Variants in NLRP1 observed in about 807,000 individuals in gnomAD.
The protein encoded by NLRP1 is NLR family pyrin domain containing 1.
In NLRP1, 94 loss-of-function variants were observed where a neutral mutation model predicts 136.7. The observed-to-expected ratio is 0.69, with a 90% CI of 0.58 to 0.82. NLRP1 has a LOEUF of 0.82. Ranked by LOEUF, NLRP1 falls within the 40% of genes least tolerant of loss-of-function variation. The pLI is 0.00. For missense variants in NLRP1, 1,575 were observed against 1,802.7 expected (o/e 0.87, Z 2.29); for synonymous variants, 690 against 725.1 (o/e 0.95, Z 0.78).
At chr17:5,542,855 A>C (rs1597433906) in intron 5 of NLRP1, among the ~76,000 whole-genome samples, 1 of 145,708 alleles carries the variant, frequency 6.9e-6, no homozygotes, top group East Asian at 2.0e-4. Context: ...TGTGAGATGG[A>C]GTCTCGCTCT....
chr17:5,581,901 T>C lies in NLRP1; in HGVS notation c.610A>G (p.Thr204Ala). 6.2e-7 allele frequency: 1 copy of C among 1,613,356 alleles called. No individual in the cohort carries two copies. Among genetic ancestry groups the C allele is most frequent in the Non-Finnish European group, 8.5e-7 (1 of 1,179,946 alleles). ...GACGTTTCATCCAGAGGCCATTGGG[T>C]CCCAGGAGCCTCCTGCTCTCTGGGT... ...LAPREQEAPG[T>A]QWPLDETSGI... Residue 204 changes from threonine (T) to alanine (A), a missense_variant, in exon 3 of 17, where the codon ACC becomes GCC. By Grantham distance (58) the Thr-to-Ala change is moderately conservative (BLOSUM62 0). Transcript: ENST00000572272.
At chr17:5,535,857 C>T (rs545675611) in intron 8 of NLRP1, among the ~76,000 whole-genome samples, 217 of 152,306 alleles carry the variant, frequency 1.4e-3, no homozygotes, top group African/African-American at 4.9e-3. Flanking sequence ...GCAGATTCCT[C>T]GGGGAAGGGA....
intron 5 of NLRP1, among the ~76,000 whole-genome samples, chr17:5,545,163 C>T (rs1033176793): frequency 6.6e-6 from 1 of 152,128 alleles, no homozygotes; most frequent in Admixed American, 6.5e-5. Flanking sequence ...CACATCCTGG[C>T]AAGGTGTGGT....
chr17:5,562,546 G>A (rs1914877549), intron 3 of NLRP1, among the ~76,000 whole-genome samples: 1 of 152,160 alleles, frequency 6.6e-6, no homozygotes, highest in Admixed American at 6.5e-5. Context: ...AAGTGAGAAG[G>A]TCACCCCCCT....
At chr17:5,505,124 C>T (rs771519981) in intron 15 of NLRP1, 1 of 152,242 alleles carries the variant, frequency 6.6e-6, no homozygotes, top group Non-Finnish European at 1.5e-5. Context: ...CCCCTTTCCA[C>T]AGGTCCTCTA....
chr17:5,550,079 G>A (rs1913146026), intron 5 of NLRP1, among the ~76,000 whole-genome samples: 1 of 151,866 alleles, frequency 6.6e-6, no homozygotes, highest in Admixed American at 6.6e-5. Flanking sequence ...CTTTTTATAT[G>A]TTGCCAGTAT....
intron 3 of NLRP1, among the ~76,000 whole-genome samples, chr17:5,573,587 T>C (rs1262344349): frequency 1.3e-5 from 2 of 152,170 alleles, no homozygotes; most frequent in Admixed American, 1.3e-4. Context: ...GACTGACACC[T>C]CACACAGCCG....
chr17:5,544,688 C>T (rs36012620), intron 5 of NLRP1, among the ~76,000 whole-genome samples: 3,383 of 152,294 alleles, frequency 0.022, 60 homozygotes, highest in Middle Eastern at 0.051. Flanking sequence ...AGCTCTGTAT[C>T]GTAGTACCTT....
intron 15 of NLRP1, among the ~76,000 whole-genome samples, chr17:5,506,373 A>G (rs1012367540): frequency 6.6e-6 from 1 of 152,052 alleles, no homozygotes; most frequent in Non-Finnish European, 1.5e-5. Flanking sequence ...GCTGACCCAC[A>G]CTAAATGGTT....
At position 5,560,808 on chromosome 17, in the gene NLRP1, C is replaced by T. The variant is rs144954554; in HGVS notation, c.653-765G>A. ...TCTTGTTGATGAGTCCAAGAAATCA[C>T]CTCCCCAGTAAGCCACCTGCAACCA... is the stretch of plus-strand genomic sequence containing the variant. On this transcript the variant is annotated intron_variant, in intron 3 of 16. Transcript: ENST00000572272. Among the ~76,000 whole-genome samples, 337 of 152,330 alleles carry T rather than the reference C, an allele frequency of 2.2e-3. 1 individual carries two copies. The highest frequency in any genetic ancestry group is 7.9e-3 in the African/African-American group (329 of 41,582).
chr17:5,528,445 T>C (rs896627263), intron 12 of NLRP1, among the ~76,000 whole-genome samples: 1 of 152,172 alleles, frequency 6.6e-6, no homozygotes, highest in Non-Finnish European at 1.5e-5. Context: ...GGAATGCCCA[T>C]ATGACCCTGA....
At chr17:5,553,334 C>A (rs1208765100) in intron 5 of NLRP1, 52 bp downstream of exon 5, 1 of 1,518,398 alleles carries the variant, frequency 6.6e-7, no homozygotes, top group African/African-American at 1.4e-5. Flanking sequence ...CAGCTTCTGC[C>A]TTGGATCTCT....
In NLRP1 at chr17:5,533,902, C is replaced by T. The variant is rs1284466715; in HGVS notation, c.3047G>A (p.Gly1016Glu). ...GCCTTGCCCCTTCAAACTACCTGAT[C>T]CGAGTCTCTGCCGCTTGAGTGAGGA... ...STSSLKRQRL[G>E]SERAASHVAQ... The change falls in exon 9 of 17, where the codon GGA becomes GAA. Residue 1016 changes from glycine (G) to glutamate (E), a missense_variant. Gly to Glu is a moderately conservative substitution (Grantham distance 98, BLOSUM62 -2). Coordinates refer to ENST00000572272, the MANE Select transcript of NLRP1 (RefSeq NM_033004.4). 2 of 1,608,370 alleles carry T rather than the reference C, an allele frequency of 1.2e-6. No homozygotes were observed. Among genetic ancestry groups the T allele is most frequent in the African/African-American group, 2.7e-5 (2 of 74,966 alleles).
intron 12 of NLRP1, among the ~76,000 whole-genome samples, chr17:5,525,637 T>C (rs919716361): frequency 6.6e-6 from 1 of 152,070 alleles, no homozygotes; most frequent in African/African-American, 2.4e-5. Flanking sequence ...CACTAGAGGG[T>C]TGTCTAGCAG....
chr17:5,527,679 G>A (rs1185803823), intron 12 of NLRP1, among the ~76,000 whole-genome samples: 1 of 152,206 alleles, frequency 6.6e-6, no homozygotes, highest in Admixed American at 6.5e-5. Flanking sequence ...TCCAGGCACA[G>A]GATGCTCAGT....
intron 5 of NLRP1, 21 bp downstream of exon 5, chr17:5,553,365 C>A: frequency 6.3e-7 from 1 of 1,595,640 alleles, no homozygotes; most frequent in Non-Finnish European, 8.6e-7. Flanking sequence ...TGCTTCAGAA[C>A]AGAACCCAGG....
At chr17:5,503,260 A>G (rs910148217) in intron 15 of NLRP1, 3 of 152,372 alleles carry the variant, frequency 2.0e-5, no homozygotes, top group African/African-American at 7.2e-5. Flanking sequence ...AGCTTTATGT[A>G]AGGCTGTGGC....
chr17:5,560,971 T>G (rs1284633281), intron 3 of NLRP1, among the ~76,000 whole-genome samples: 1 of 152,260 alleles, frequency 6.6e-6, no homozygotes, highest in Non-Finnish European at 1.5e-5. Context: ...AGATTCCAAA[T>G]AGAACAACAG....
chr17:5,557,785 G>A (rs548380861), intron 4 of NLRP1, among the ~76,000 whole-genome samples: 1 of 152,324 alleles, frequency 6.6e-6, no homozygotes, highest in East Asian at 1.9e-4. Flanking sequence ...TTCAGGTTGA[G>A]TGCGTGGGGC....
Sources: gnomAD v4.1 joint callset for allele counts (sites outside exome capture counted in the v4.1 genomes callset) on GRCh38, gnomAD v4.1.1 for gene constraint, MANE v1.5 for transcripts, NCBI Gene and HGNC (gene_info 2026-07-23, HGNC 2026-07-21) for gene names.